Variants in SLC7A2 observed in about 807,000 individuals in gnomAD.
SLC7A2 encodes the protein cationic amino acid transporter 2.
Under a neutral mutation model 58.9 loss-of-function variants are expected in SLC7A2, and 48 were observed. That is an observed-to-expected ratio of 0.82 (90% CI 0.65 to 1.04). The LOEUF (loss-of-function observed/expected upper bound fraction) is 1.04. SLC7A2 is among the 50% of genes least tolerant of loss of function. The pLI is 0.00. For synonymous variants in SLC7A2, 363 were observed against 314.5 expected (o/e 1.15, Z -1.63); for missense variants, 1,029 against 818.8 (o/e 1.26, Z -3.13).
chr8:17,519,236 G>T (rs145758855), intron 2 of SLC7A2, among the ~76,000 whole-genome samples: 1 of 152,144 alleles, frequency 6.6e-6, no homozygotes, highest in African/African-American at 2.4e-5. Flanking sequence ...AGGGTTGATA[G>T]GTAATTCAGT....
Position 17,550,406 on chromosome 8 carries a change from T to G in SLC7A2, c.804T>G (p.Phe268Leu). ...GTGCTGCAACTTGCTTTTATGCCTT[T>G]GTGGGATTTGACTGCATTGCAACAA... ...LAGAATCFYAFVGFDCIATTG... is the reference protein window; with the variant it reads ...LAGAATCFYALVGFDCIATTG... The change falls in exon 6 of 13, where the codon TTT becomes TTG. Residue 268 changes from phenylalanine to leucine, a missense_variant. Phe to Leu is a conservative substitution (Grantham distance 22). Transcript: ENST00000494857. The G allele has an allele frequency of 6.2e-7, 1 of 1,613,882 alleles. No homozygotes were observed. The highest frequency in any genetic ancestry group is 8.5e-7 in the Non-Finnish European group (1 of 1,179,874).
chr8:17,519,198 C>T (rs1800918456), intron 2 of SLC7A2, among the ~76,000 whole-genome samples: 1 of 152,158 alleles, frequency 6.6e-6, no homozygotes, highest in Non-Finnish European at 1.5e-5. Flanking sequence ...CACCTATAAA[C>T]TAGAGATAAT....
At chr8:17,511,228 A>G (rs1039212988) in intron 2 of SLC7A2, 1 of 152,206 alleles carries the variant, frequency 6.6e-6, no homozygotes, top group Admixed American at 6.5e-5. Context: ...GCAAAGCTGC[A>G]CATTCTGCAC....
intron 2 of SLC7A2, among the ~76,000 whole-genome samples, chr8:17,510,254 A>AATAATG (rs1800549505): frequency 6.6e-6 from 1 of 151,820 alleles, no homozygotes; most frequent in African/African-American, 2.4e-5. Context: ...TAATAATAAT[A>AATAATG]AAAGAGTGAG....
chr8:17,497,765 A>C (rs936018624), intron 1 of SLC7A2, among the ~76,000 whole-genome samples: 1 of 152,184 alleles, frequency 6.6e-6, no homozygotes, highest in Non-Finnish European at 1.5e-5. Flanking sequence ...CACATTCTGC[A>C]GGGGACCTGG....
chr8:17,556,874 G>T (rs373523081), intron 8 of SLC7A2, among the ~76,000 whole-genome samples: 14 of 152,224 alleles, frequency 9.2e-5, no homozygotes, highest in African/African-American at 3.4e-4. Context: ...CTCCCAAACT[G>T]CAGGGATTAC....
intron 10 of SLC7A2, among the ~76,000 whole-genome samples, chr8:17,561,542 C>A (rs2705061): frequency 0.24 from 35,987 of 151,968 alleles, 5,626 homozygotes; most frequent in African/African-American, 0.45. Flanking sequence ...ACACAGCCAA[C>A]TCATATCACA....
intron 2 of SLC7A2, among the ~76,000 whole-genome samples, chr8:17,506,138 G>C (rs1800355964): frequency 6.6e-6 from 1 of 152,188 alleles, no homozygotes. Flanking sequence ...TAGGACTTGT[G>C]TCTGTACAAT....
chr8:17,565,179 G>A lies in SLC7A2; in HGVS notation c.*33G>A. ...AGGAGCAGAGCTGGTCATCGTCTTA[G>A]CATACATATCCTACACTGAGTAAAC... On this transcript the variant is annotated 3_prime_UTR_variant, in exon 13 of 13. Transcript: ENST00000494857. 1.9e-6 allele frequency: 3 copies of A among 1,539,034 alleles called. No homozygotes were observed. In the East Asian group the frequency reaches 6.9e-5, roughly 35 times the overall value.
chr8:17,528,161 A>T (rs1421876515), intron 2 of SLC7A2, among the ~76,000 whole-genome samples: 4 of 152,186 alleles, frequency 2.6e-5, no homozygotes, highest in African/African-American at 9.7e-5. Flanking sequence ...AGCAGAAGAC[A>T]GCTGAGGAGA....
At chr8:17,509,988 G>A (rs1800535953) in intron 2 of SLC7A2, among the ~76,000 whole-genome samples, 2 of 152,088 alleles carry the variant, frequency 1.3e-5, no homozygotes, top group African/African-American at 4.8e-5. Context: ...GGGAGGCCAA[G>A]GCAGGTGGAT....
chr8:17,541,726 A>C (rs1481329884), intron 2 of SLC7A2, among the ~76,000 whole-genome samples: 1 of 152,246 alleles, frequency 6.6e-6, no homozygotes, highest in Non-Finnish European at 1.5e-5. Context: ...TAAGTTGTAC[A>C]TATTCATTGG....
At chr8:17,558,683 C>G (rs1259452349) in intron 9 of SLC7A2, among the ~76,000 whole-genome samples, 1 of 152,066 alleles carries the variant, frequency 6.6e-6, no homozygotes, top group Non-Finnish European at 1.5e-5. Flanking sequence ...TCCATTGATT[C>G]AGTTGTAAAA....
At chr8:17,499,725 G>C (rs1681373725) in intron 1 of SLC7A2, among the ~76,000 whole-genome samples, 1 of 151,994 alleles carries the variant, frequency 6.6e-6, no homozygotes, top group South Asian at 2.1e-4. Flanking sequence ...AGTTAACTAA[G>C]ATTTCACTTA....
At chr8:17,499,974 A>G (rs1047807825) in intron 1 of SLC7A2, 1 of 152,210 alleles carries the variant, frequency 6.6e-6, no homozygotes, top group Non-Finnish European at 1.5e-5. Context: ...ACTGATTTCA[A>G]CAGTTTGAGA....
At chr8:17,519,738 G>A (rs1268925729) in intron 2 of SLC7A2, among the ~76,000 whole-genome samples, 1 of 152,136 alleles carries the variant, frequency 6.6e-6, no homozygotes, top group Non-Finnish European at 1.5e-5. Flanking sequence ...CTTACCTAAA[G>A]AGGATGAAAG....
chr8:17,551,935 G>T lies in SLC7A2; in HGVS notation c.1004G>T (p.Gly335Val). ...LPVAFEYVGW[G>V]PAKYVVAAGS... ...GTAGCGTTTGAATATGTGGGATGGG[G>T]TCCTGCCAAATATGTCGTCGCAGCT... is the stretch of plus-strand genomic sequence containing the variant. The change falls in exon 7 of 13, where the codon GGT becomes GTT. Residue 335 changes from glycine to valine, a missense_variant. Gly to Val is a moderately radical substitution (Grantham distance 109, BLOSUM62 -3). Coordinates refer to ENST00000494857, the MANE Select transcript of SLC7A2 (RefSeq NM_001370338.1). 6.2e-7 allele frequency: 1 copy of T among 1,614,024 alleles called. No homozygotes were observed. Among genetic ancestry groups the T allele is most frequent in the Non-Finnish European group, 8.5e-7 (1 of 1,180,008 alleles).
chr8:17,545,042 T>A (rs980385977), intron 4 of SLC7A2, among the ~76,000 whole-genome samples: 29 of 152,234 alleles, frequency 1.9e-4, no homozygotes, highest in African/African-American at 7.0e-4. Context: ...GGCCTTTGAT[T>A]GTAAAGGAAG....
chr8:17,515,108 C>T (rs1800750661), intron 2 of SLC7A2, among the ~76,000 whole-genome samples: 2 of 152,120 alleles, frequency 1.3e-5, no homozygotes, highest in Admixed American at 1.3e-4. Flanking sequence ...AGATTTGTTG[C>T]ATCAGATGAA....
Sources: gnomAD v4.1 joint callset for allele counts (sites outside exome capture counted in the v4.1 genomes callset) on GRCh38, gnomAD v4.1.1 for gene constraint, MANE v1.5 for transcripts, NCBI Gene and HGNC (gene_info 2026-07-23, HGNC 2026-07-21) for gene names.